PTK2B: variants seen among roughly 807,000 people sequenced by gnomAD.
PTK2B encodes the protein protein tyrosine kinase 2 beta, also known as protein-tyrosine kinase 2-beta.
Under a neutral mutation model 142.9 loss-of-function variants are expected in PTK2B, and 71 were observed. The observed-to-expected ratio is 0.50, with a 90% CI of 0.41 to 0.61. PTK2B has a LOEUF of 0.61. PTK2B is among the 20% of genes least tolerant of loss of function. The pLI, the probability that PTK2B is intolerant of heterozygous loss-of-function variation, is 0.00. For missense variants in PTK2B, 1,105 were observed against 1,320.4 expected (o/e 0.84, Z 2.53); for synonymous variants, 519 against 503.4 (o/e 1.03, Z -0.42).
rs1563287175 is a variant in PTK2B at position 27,436,312 on chromosome 8, T to C, written c.1305T>C (p.Phe435=). ...VVLNRILGEG[F]FGEVYEGVYT... ...TGAATCGTATTCTTGGGGAAGGCTTTTTTGGGGAGGTCTATGAAGGTGTCT... is the reference window on the plus strand; with the variant it reads ...TGAATCGTATTCTTGGGGAAGGCTTCTTTGGGGAGGTCTATGAAGGTGTCT... Residue 435 remains phenylalanine (F), a synonymous_variant, in exon 15 of 31, where the codon TTT becomes TTC. Coordinates refer to ENST00000346049, the MANE Select transcript of PTK2B (RefSeq NM_173176.3). 2 of 1,614,152 alleles carry C rather than the reference T, an allele frequency of 1.2e-6. No individual in the cohort carries two copies. The highest frequency in any genetic ancestry group is 1.7e-6 in the Non-Finnish European group (2 of 1,180,020).
intron 2 of PTK2B, among the ~76,000 whole-genome samples, chr8:27,398,977 C>A (rs1808224106): frequency 6.6e-6 from 1 of 152,194 alleles, no homozygotes; most frequent in South Asian, 2.1e-4. Context: ...TTGATTAGGG[C>A]CTTGTTTGCT....
chr8:27,389,461 G>T (rs892565098), intron 1 of PTK2B, among the ~76,000 whole-genome samples: 1 of 152,186 alleles, frequency 6.6e-6, no homozygotes, highest in Non-Finnish European at 1.5e-5. Flanking sequence ...CTGGCTAGCT[G>T]CAGGGATCAA....
At chr8:27,374,524 A>G (rs1806550562) in intron 1 of PTK2B, among the ~76,000 whole-genome samples, 1 of 152,254 alleles carries the variant, frequency 6.6e-6, no homozygotes, top group Admixed American at 6.5e-5. Flanking sequence ...ATGAAACAGC[A>G]TAGCAGGTTT....
intron 3 of PTK2B, among the ~76,000 whole-genome samples, chr8:27,313,723 A>G (rs1467246382): frequency 1.3e-5 from 2 of 152,056 alleles, no homozygotes; most frequent in Non-Finnish European, 2.9e-5. Flanking sequence ...ATACTCCACT[A>G]TTTTGTCTCT....
At chr8:27,419,759 G>A (rs1809626960) in intron 2 of PTK2B, 136 bp from the exon 3 acceptor site, 1 of 910,812 alleles carries the variant, frequency 1.1e-6, no homozygotes, top group African/African-American at 1.7e-5. Flanking sequence ...TCCCCTAAAT[G>A]CTAGAGAATC....
chr8:27,327,184 C>T (rs1051692441), intron 1 of PTK2B, among the ~76,000 whole-genome samples: 1 of 152,134 alleles, frequency 6.6e-6, no homozygotes, highest in Non-Finnish European at 1.5e-5. Context: ...AGTAGCTGGG[C>T]TTGTTGGGAA....
intron 23 of PTK2B, among the ~76,000 whole-genome samples, 185 bp from the exon 24 acceptor site, chr8:27,445,609 A>G (rs4733064): frequency 0.85 from 129,944 of 152,106 alleles, 55,893 homozygotes; most frequent in Middle Eastern, 0.94. Context: ...GAGAGGCTGC[A>G]CTGCTCCACC....
intron 1 of PTK2B, among the ~76,000 whole-genome samples, chr8:27,351,143 G>A (rs1032247322): frequency 2.0e-5 from 3 of 147,294 alleles, no homozygotes; most frequent in African/African-American, 7.6e-5. Flanking sequence ...GTTCCAGGTA[G>A]CAATGAGCTA....
chr8:27,441,326 A>G (rs1188234536), intron 21 of PTK2B, among the ~76,000 whole-genome samples: 1 of 152,156 alleles, frequency 6.6e-6, no homozygotes, highest in Non-Finnish European at 1.5e-5. Context: ...TGTGAAAACC[A>G]TTCTTCATTT....
chr8:27,392,240 A>G (rs1253990599), intron 1 of PTK2B, among the ~76,000 whole-genome samples: 4 of 151,898 alleles, frequency 2.6e-5, no homozygotes, highest in Non-Finnish European at 5.9e-5. Context: ...GGTGATGTGC[A>G]TTGGTACCTG....
upstream of PTK2B, chr8:27,310,693 A>C: frequency 7.8e-7 from 1 of 1,282,666 alleles, no homozygotes; most frequent in East Asian, 2.5e-5. Flanking sequence ...TGGGAGCGAG[A>C]CGCGGGCACA....
intron 27 of PTK2B, chr8:27,452,559 CAA>C (rs371050770): frequency 1.9e-4 from 25 of 130,400 alleles, no homozygotes; most frequent in Admixed American, 2.3e-4. Context: ...AGCCCTGCCT[CAA>C]AAAAAAAAAA....
upstream of PTK2B, among the ~76,000 whole-genome samples, chr8:27,321,155 C>T (rs1803207384): frequency 6.6e-6 from 1 of 151,738 alleles, no homozygotes; most frequent in Admixed American, 6.6e-5. Flanking sequence ...CCACCATGCC[C>T]AGCTAATTTT....
At chr8:27,445,706 A>G in intron 23 of PTK2B, 88 bp from the exon 24 acceptor site, 1 of 1,566,830 alleles carries the variant, frequency 6.4e-7, no homozygotes, top group Non-Finnish European at 8.7e-7. Flanking sequence ...GCTCATGCAT[A>G]GTTTCTTTGT....
At chr8:27,336,896 C>A (rs893093282) in intron 1 of PTK2B, among the ~76,000 whole-genome samples, 2 of 151,686 alleles carry the variant, frequency 1.3e-5, no homozygotes, top group African/African-American at 4.9e-5. Flanking sequence ...AGTGCAGTGG[C>A]ACAATCTCGG....
rs558182558 is a variant in PTK2B, at chr8:27,397,779, G to A, written c.195G>A (p.Thr65=). 70 of 1,614,080 alleles carry A rather than the reference G, an allele frequency of 4.3e-5. No individual in the cohort carries two copies. The East Asian group carries it at 1.0e-3, about 24-fold the overall frequency. The change falls in exon 2 of 31, where the codon ACG becomes ACA. Residue 65 remains threonine, a synonymous_variant. Transcript: ENST00000346049. The part of the protein sequence containing the change: ...NFKLVKCTVQ[T]EIREIITSIL... The stretch of plus-strand genomic sequence containing the variant: ...AACTGGTCAAATGCACTGTCCAGAC[G>A]GAGATCCGGGTAAGTGTGAAGTGTC...
chr8:27,437,668 G>GC, intron 17 of PTK2B, 97 bp from the exon 18 acceptor site: 1 of 1,308,196 alleles, frequency 7.6e-7, no homozygotes, highest in Non-Finnish European at 1.1e-6. Flanking sequence ...GTCTCCCACC[G>GC]CCCCCAGGGA....
At chr8:27,411,785 C>T (rs1205357489) in intron 2 of PTK2B, among the ~76,000 whole-genome samples, 1 of 152,206 alleles carries the variant, frequency 6.6e-6, no homozygotes, top group African/African-American at 2.4e-5. Context: ...TCAGACTTCA[C>T]AGGCTGAGGG....
intron 3 of PTK2B, among the ~76,000 whole-genome samples, chr8:27,315,956 G>A (rs1340286916): frequency 6.6e-6 from 1 of 152,062 alleles, no homozygotes; most frequent in Non-Finnish European, 1.5e-5. Flanking sequence ...GTGGGTAAGG[G>A]TGACTAAGAC....
Sources: gnomAD v4.1 joint callset for allele counts (sites outside exome capture counted in the v4.1 genomes callset) on GRCh38, gnomAD v4.1.1 for gene constraint, MANE v1.5 for transcripts, NCBI Gene and HGNC (gene_info 2026-07-23, HGNC 2026-07-21) for gene names.